PCGF5: variants seen among roughly 807,000 people sequenced by gnomAD.
PCGF5 encodes polycomb group ring finger 5.
A neutral mutation model predicts 44.3 loss-of-function variants in PCGF5; 9 were observed. The ratio of observed to expected loss-of-function variants is 0.20; its 90% CI spans 0.12 to 0.35. The LOEUF (loss-of-function observed/expected upper bound fraction) is 0.35. PCGF5 is among the 10% of genes least tolerant of loss of function. The pLI is 1.00. For synonymous variants in PCGF5, 95 were observed against 102.5 expected, an observed-to-expected ratio of 0.93 and a Z score of 0.44; for missense variants, 146 against 305.3, an observed-to-expected ratio of 0.48 and a Z score of 3.89.
Position 91,242,914 on chromosome 10 carries a change from T to C in PCGF5, c.209+2334T>C, listed in dbSNP as rs556560903. 3.3e-5 allele frequency among the ~76,000 whole-genome samples: 5 copies of C among 152,338 alleles called. No homozygotes were observed. In the East Asian group the frequency reaches 9.6e-4, roughly 29 times the overall value. ...CTTCCATATTCCAGTTTTCTTAATT[T>C]AATGATGTCCTTTATAGAGATCTTT... On this transcript the variant is annotated intron_variant, in intron 3 of 9. Transcript: ENST00000336126.
At chr10:91,205,229 C>CA (rs962821192) in intron 1 of PCGF5, among the ~76,000 whole-genome samples, 189 of 152,098 alleles carry the variant, frequency 1.2e-3, no homozygotes, top group African/African-American at 4.4e-3. Flanking sequence ...CAATTGTTCC[C>CA]AAATATTTTG....
chr10:91,180,733 T>C (rs1843802755), intron 1 of PCGF5, among the ~76,000 whole-genome samples: 1 of 152,224 alleles, frequency 6.6e-6, no homozygotes, highest in South Asian at 2.1e-4. Context: ...ACCAGTACCA[T>C]GCTGTTTTGG....
At chr10:91,274,625 T>G (rs543986208) in intron 9 of PCGF5, among the ~76,000 whole-genome samples, 7 of 152,276 alleles carry the variant, frequency 4.6e-5, no homozygotes, top group Admixed American at 3.3e-4. Flanking sequence ...AGGTTAAAAT[T>G]TATAGTGTTA....
upstream of PCGF5, among the ~76,000 whole-genome samples, chr10:91,158,025 T>C (rs1843341423): frequency 6.6e-6 from 1 of 152,254 alleles, no homozygotes; most frequent in Admixed American, 6.5e-5. Flanking sequence ...GACAATTACT[T>C]ACTTTTTAAG....
At chr10:91,178,031 G>T (rs1406590274) in intron 1 of PCGF5, among the ~76,000 whole-genome samples, 2 of 152,184 alleles carry the variant, frequency 1.3e-5, no homozygotes, top group East Asian at 3.9e-4. Flanking sequence ...GACTGGAGCT[G>T]TTCCTATTCA....
intron 1 of PCGF5, among the ~76,000 whole-genome samples, chr10:91,173,164 C>T (rs1044789628): frequency 1.3e-5 from 2 of 152,288 alleles, no homozygotes; most frequent in Admixed American, 1.3e-4. Context: ...ATATGGGATG[C>T]AACACACACT....
intron 1 of PCGF5, among the ~76,000 whole-genome samples, chr10:91,189,731 C>T (rs955897684): frequency 3.9e-5 from 6 of 152,192 alleles, no homozygotes; most frequent in Admixed American, 1.3e-4. Flanking sequence ...TGTTCTTTTT[C>T]GCTTAGGCCT....
chr10:91,191,062 C>T (rs1174740545), intron 1 of PCGF5, among the ~76,000 whole-genome samples: 1 of 152,122 alleles, frequency 6.6e-6, no homozygotes, highest in Non-Finnish European at 1.5e-5. Context: ...TTCCAAGGCC[C>T]CTAGTGGGTG....
intron 1 of PCGF5, among the ~76,000 whole-genome samples, chr10:91,213,070 A>G (rs934030257): frequency 6.6e-6 from 1 of 152,216 alleles, no homozygotes; most frequent in African/African-American, 2.4e-5. Context: ...ATGTTTCCAT[A>G]TCTGGTATAG....
At chr10:91,183,893 A>G (rs750152724) in intron 1 of PCGF5, among the ~76,000 whole-genome samples, 1 of 151,988 alleles carries the variant, frequency 6.6e-6, no homozygotes, top group Non-Finnish European at 1.5e-5. Flanking sequence ...TTGGCCCCCA[A>G]TCTCTTCTGG....
chr10:91,162,425 G>A (rs747025647), upstream of PCGF5, among the ~76,000 whole-genome samples: 32 of 152,142 alleles, frequency 2.1e-4, no homozygotes, highest in Non-Finnish European at 3.2e-4. Flanking sequence ...CTTGACCATC[G>A]CCAGGGAGGC....
chr10:91,161,074 CT>C (rs1286672372), upstream of PCGF5, among the ~76,000 whole-genome samples: 4 of 152,226 alleles, frequency 2.6e-5, no homozygotes, highest in Admixed American at 1.3e-4. Flanking sequence ...TCATCCCCTA[CT>C]TTGGAAGATG....
intron 1 of PCGF5, among the ~76,000 whole-genome samples, chr10:91,168,907 G>GAC (rs1554841474): frequency 7.3e-6 from 1 of 136,190 alleles, no homozygotes; most frequent in Non-Finnish European, 1.5e-5. Flanking sequence ...CAGCCTGGGC[G>GAC]ACAGTGTGAG....
chr10:91,249,371 G>GTATA (rs3074316), intron 5 of PCGF5, among the ~76,000 whole-genome samples: 5 of 120,528 alleles, frequency 4.1e-5, no homozygotes, highest in African/African-American at 8.8e-5. Flanking sequence ...GGCTTTTAGT[G>GTATA]TATATATATA....
At chr10:91,170,519 T>A (rs1201217393) in intron 1 of PCGF5, among the ~76,000 whole-genome samples, 2 of 152,154 alleles carry the variant, frequency 1.3e-5, no homozygotes, top group Non-Finnish European at 2.9e-5. Flanking sequence ...ATACTGCACA[T>A]CATATGTCAT....
chr10:91,156,719 CT>C, the PCGF5 span, among the ~76,000 whole-genome samples: 2 of 152,184 alleles, frequency 1.3e-5, no homozygotes, highest in Non-Finnish European at 2.9e-5. Context: ...GCAAGAACCC[CT>C]AACCATCCTT....
upstream of PCGF5, among the ~76,000 whole-genome samples, chr10:91,161,663 T>C (rs1390328402): frequency 6.6e-6 from 1 of 152,166 alleles, no homozygotes; most frequent in Non-Finnish European, 1.5e-5. Context: ...CATAGCTAGG[T>C]GTGGTGGGGA....
intron 1 of PCGF5, among the ~76,000 whole-genome samples, chr10:91,212,945 TTATAC>T (rs1844479768): frequency 6.6e-6 from 1 of 152,218 alleles, no homozygotes; most frequent in African/African-American, 2.4e-5. Flanking sequence ...AGCATATGTG[TTATAC>T]TATATGAAGA....
chr10:91,171,983 A>G (rs1564624112), intron 1 of PCGF5, among the ~76,000 whole-genome samples: 8 of 152,236 alleles, frequency 5.3e-5, no homozygotes, highest in Admixed American at 4.6e-4. Flanking sequence ...AAAGTACCTT[A>G]AAGATAAGGA....
Sources: allele counts gnomAD v4.1 joint callset (sites outside exome capture counted in the v4.1 genomes callset), GRCh38; gene constraint gnomAD v4.1.1; transcripts MANE v1.5; gene names NCBI Gene and HGNC (gene_info 2026-07-23, HGNC 2026-07-21).